Variants in SPG11 observed in about 807,000 individuals in gnomAD.
The protein encoded by SPG11 is SPG11 vesicle trafficking associated, spatacsin.
SPG11 carries 222 observed loss-of-function variants against 274.0 expected under a neutral mutation model. That is an observed-to-expected ratio of 0.81 (90% CI 0.73 to 0.91). The LOEUF is 0.91. Ranked by LOEUF, SPG11 falls within the 40% of genes least tolerant of loss-of-function variation. The pLI, the probability that SPG11 is intolerant of heterozygous loss-of-function variation, is 0.00. For missense variants in SPG11, 3,114 were observed against 2,872.7 expected, an observed-to-expected ratio of 1.08 and a Z score of -1.92; for synonymous variants, 1,144 against 1,039.7, an observed-to-expected ratio of 1.10 and a Z score of -1.93.
In SPG11 at chr15:44,595,108, C is replaced by T. The variant is rs140330635; in HGVS notation, c.4635+151G>A. ...CTGGGATTACAGGCGTGAGCCACTG[C>T]GCCTGGCCAGTAAGTGGTACTTCTA... On this transcript the variant is annotated intron_variant, in intron 26 of 39. Transcript: ENST00000261866. 2.6e-4 allele frequency: 202 copies of T among 789,944 alleles called. 2 individuals carry two copies. Among genetic ancestry groups the T allele is most frequent in the Middle Eastern group, 2.5e-3 (7 of 2,748 alleles). The allele number at this position is 789,944 out of a possible 1,614,324, so 48.9% of individuals were successfully genotyped here.
At chr15:44,579,473 G>A (rs151130052) in intron 30 of SPG11, among the ~76,000 whole-genome samples, 2,177 of 145,422 alleles carry the variant, frequency 0.015, 54 homozygotes, top group East Asian at 0.098. Context: ...GCTGCAGTGA[G>A]CCGAGGTCAC....
intron 4 of SPG11, among the ~76,000 whole-genome samples, chr15:44,655,736 T>C (rs888678947): frequency 6.6e-6 from 1 of 152,164 alleles, no homozygotes; most frequent in Non-Finnish European, 1.5e-5. Context: ...AAAAGTTACA[T>C]GTGGCATTTT....
At chr15:44,614,785 G>T (rs1014368241) in intron 16 of SPG11, among the ~76,000 whole-genome samples, 2 of 152,146 alleles carry the variant, frequency 1.3e-5, no homozygotes, top group Non-Finnish European at 2.9e-5. Context: ...TGCCAACATT[G>T]TAAACACTCA....
rs919356339 is a variant in SPG11 at position 44,659,164 on chromosome 15, G to A, written c.582C>T (p.Pro194=). The A allele has an allele frequency of 1.2e-6, 2 of 1,614,094 alleles. No homozygotes were observed. The highest frequency in any genetic ancestry group is 2.7e-5 in the African/African-American group (2 of 74,934). The change falls in exon 3 of 40, where the codon CCC becomes CCT. Residue 194 remains proline (P), a synonymous_variant. Transcript: ENST00000261866. The stretch of plus-strand genomic sequence containing the variant: ...TCATGTCCACTGCCTGTGCAGGCAA[G>A]GGAAGTGTGAAACAGTTGAGTACTC... ...AIRVLNCFTL[P]LPAQAVDMII...
chr15:44,629,521 C>T lies in SPG11; in HGVS notation c.1736-133G>A. 1.0e-5 allele frequency: 10 copies of T among 978,000 alleles called. 1 individual carries two copies. The highest frequency in any genetic ancestry group is 2.3e-5 in the Admixed American group (1 of 42,618). The allele number at this position is 978,000 out of a possible 1,614,324, so 60.6% of individuals were successfully genotyped here. A position where few individuals can be genotyped will look rare whatever the true frequency, so the allele number is the denominator to read the frequency against. On this transcript the variant is annotated intron_variant, in intron 8 of 39. Coordinates refer to ENST00000261866, the MANE Select transcript of SPG11 (RefSeq NM_025137.4). Reference sequence around the variant, plus strand: ...CAATGTCTTATTTTCAAAAAGCTCACAAAACTTTTCTGCAGGCTTATTACC... The same window carrying T: ...CAATGTCTTATTTTCAAAAAGCTCATAAAACTTTTCTGCAGGCTTATTACC...
intron 8 of SPG11, among the ~76,000 whole-genome samples, chr15:44,633,110 C>G: frequency 6.6e-6 from 1 of 151,480 alleles, no homozygotes. Context: ...CTCTGGGAGG[C>G]AGAGGATTGT....
At chr15:44,582,005 A>G (rs2082667193) in intron 30 of SPG11, among the ~76,000 whole-genome samples, 1 of 152,200 alleles carries the variant, frequency 6.6e-6, no homozygotes, top group Non-Finnish European at 1.5e-5. Flanking sequence ...GAAAATCACA[A>G]AATGCTAAAA....
chr15:44,657,862 T>C (rs375971749), intron 3 of SPG11, among the ~76,000 whole-genome samples: 37 of 152,316 alleles, frequency 2.4e-4, no homozygotes, highest in African/African-American at 8.7e-4. Flanking sequence ...AGCTTTTAAA[T>C]CTAAAGTAAC....
At chr15:44,583,207 G>A (rs755899739) in intron 30 of SPG11, among the ~76,000 whole-genome samples, 8 of 152,158 alleles carry the variant, frequency 5.3e-5, no homozygotes, top group Non-Finnish European at 8.8e-5. Flanking sequence ...GGCCGGGTGC[G>A]GTGGCTCACG....
intron 3 of SPG11, 135 bp downstream of exon 3, chr15:44,658,944 T>C (rs368216519): frequency 1.2e-5 from 9 of 765,338 alleles, no homozygotes; most frequent in African/African-American, 3.5e-5. Flanking sequence ...AGGATCTTTT[T>C]CCATGAAAAG....
intron 7 of SPG11, among the ~76,000 whole-genome samples, chr15:44,639,276 TACACACACACAC>T (rs71111873): frequency 7.2e-6 from 1 of 138,282 alleles, no homozygotes; most frequent in East Asian, 2.1e-4. Context: ...CACAAAGAGA[TACACACACACAC>T]ACACACACAC....
chr15:44,595,357 G>A lies in SPG11; in HGVS notation c.4537C>T (p.His1513Tyr). 2 of 1,614,130 alleles carry A rather than the reference G, an allele frequency of 1.2e-6. No homozygotes were observed. Among genetic ancestry groups the A allele is most frequent in the Non-Finnish European group, 1.7e-6 (2 of 1,179,994 alleles). ...MGHIQDSTED[H>Y]TWNLEDLSVI... is the part of the protein sequence containing the mutation. ...GAAAGATCCTCAAGGTTCCAGGTAT[G>A]GTCCTCTGTTGAGTCCTGAATGTGT... Residue 1513 changes from histidine to tyrosine, a missense_variant, in exon 26 of 40, where the codon CAT (histidine) becomes TAT (tyrosine). Transcript: ENST00000261866.
At chr15:44,654,419 A>G (rs1006051242) in intron 4 of SPG11, among the ~76,000 whole-genome samples, 5 of 152,110 alleles carry the variant, frequency 3.3e-5, no homozygotes, top group African/African-American at 1.2e-4. Context: ...GAGACACGAG[A>G]ATCACTTGAT....
At position 44,642,709 on chromosome 15, in the gene SPG11, A is replaced by AT. The variant is rs201568007; in HGVS notation, c.1602+6156_1602+6157insA. ...GATTCCACCTCTACAAAAAAAAAAA[A>AT]AATAATAAAAATTATCTGGGTGCAG... On this transcript the variant is annotated intron_variant, in intron 7 of 39. Coordinates refer to ENST00000261866, the MANE Select transcript of SPG11 (RefSeq NM_025137.4). 8.6e-3 allele frequency among the ~76,000 whole-genome samples: 1,302 copies of AT among 151,792 alleles called. 22 individuals carry two copies. Among genetic ancestry groups the AT allele is most frequent in the African/African-American group, 0.029 (1,209 of 41,358 alleles).
chr15:44,584,656 T>A, intron 29 of SPG11, 98 bp from the exon 30 acceptor site: 1 of 1,410,292 alleles, frequency 7.1e-7, no homozygotes, highest in Non-Finnish European at 9.8e-7. Flanking sequence ...TTGGACAGGG[T>A]CTCAGTCTGT....
chr15:44,631,661 C>CT (rs778676384), intron 8 of SPG11, among the ~76,000 whole-genome samples: 3,884 of 124,546 alleles, frequency 0.031, 89 homozygotes, highest in East Asian at 0.098. Context: ...CTGCATCAGG[C>CT]TTTTTTTTTT....
intron 31 of SPG11, among the ~76,000 whole-genome samples, chr15:44,574,531 C>G (rs899354388): frequency 6.4e-4 from 97 of 152,326 alleles, no homozygotes; most frequent in African/African-American, 2.2e-3. Context: ...CTTCCTCTGG[C>G]TCTTGTCTTT....
intron 28 of SPG11, among the ~76,000 whole-genome samples, chr15:44,588,307 A>C (rs1039734212): frequency 2.6e-5 from 4 of 151,126 alleles, no homozygotes; most frequent in Admixed American, 1.3e-4. Context: ...AAAAAAAAAC[A>C]AACAAAAAAA....
chr15:44,576,708 T>C (rs1177573294), intron 30 of SPG11, among the ~76,000 whole-genome samples: 2 of 151,996 alleles, frequency 1.3e-5, no homozygotes, highest in Non-Finnish European at 2.9e-5. Context: ...AAAATGTAGA[T>C]CAATATGATG....
Sources: gnomAD v4.1 joint callset for allele counts (sites outside exome capture counted in the v4.1 genomes callset) on GRCh38, gnomAD v4.1.1 for gene constraint, MANE v1.5 for transcripts, NCBI Gene and HGNC (gene_info 2026-07-23, HGNC 2026-07-21) for gene names.